The following NEXMIF variants were observed in gnomAD, a reference collection of about 807,000 sequenced individuals.
NEXMIF encodes the protein neurite extension and migration factor.
A neutral mutation model predicts 62.1 loss-of-function variants in NEXMIF; 8 were observed. The ratio of observed to expected loss-of-function variants is 0.13; its 90% confidence interval spans 0.08 to 0.23. The LOEUF (loss-of-function observed/expected upper bound fraction) is 0.23, where lower values mean the gene tolerates loss of function less well. NEXMIF is among the 10% of genes least tolerant of loss of function. NEXMIF has a pLI of 1.00. For synonymous variants in NEXMIF, 404 were observed against 416.6 expected, an observed-to-expected ratio of 0.97 and a Z score of 0.37; for missense variants, 976 against 1,113.3, an observed-to-expected ratio of 0.88 and a Z score of 1.75.
chrX:74,745,754 T>C (rs182209836), intron 1 of NEXMIF, 57 bp from the exon 2 acceptor site: 9 of 556,228 alleles, frequency 1.6e-5, no homozygotes, highest in African/African-American at 9.2e-5. Flanking sequence ...TTGTGTTTTA[T>C]AGGTTATTTC....
chrX:74,842,557 G>A (rs762435012), intron 1 of NEXMIF, among the ~76,000 whole-genome samples: 1 of 110,966 alleles, frequency 9.0e-6, no homozygotes, highest in Non-Finnish European at 1.9e-5. Context: ...TTTCAGTTGC[G>A]ATGTTAGGTT....
At chrX:74,922,844 A>G (rs2080831546) in intron 1 of NEXMIF, among the ~76,000 whole-genome samples, 1 of 112,012 alleles carries the variant, frequency 8.9e-6, no homozygotes, top group South Asian at 3.7e-4. Context: ...ACTGTCTAAA[A>G]GGAAAAAAGC....
chrX:74,883,296 G>A (rs945276435), intron 1 of NEXMIF, among the ~76,000 whole-genome samples: 24 of 111,913 alleles, frequency 2.1e-4, no homozygotes, highest in African/African-American at 7.8e-4. Context: ...GCTGGATGGA[G>A]AATGACTTTG....
At chrX:74,849,502 C>A (rs141629549) in intron 1 of NEXMIF, among the ~76,000 whole-genome samples, 6 of 111,863 alleles carry the variant, frequency 5.4e-5, no homozygotes, top group African/African-American at 2.0e-4. Context: ...AGAGGGAGAT[C>A]ACACTGAGAC....
At chrX:74,796,235 T>TATACATATATA (rs2080310170) in intron 1 of NEXMIF, among the ~76,000 whole-genome samples, 3 of 55,712 alleles carry the variant, frequency 5.4e-5, no homozygotes, top group African/African-American at 1.9e-4. Flanking sequence ...ATATAATATA[T>TATACATATATA]ATATATATAC....
chrX:74,790,453 A>C (rs2147463818), intron 1 of NEXMIF, among the ~76,000 whole-genome samples: 1 of 111,870 alleles, frequency 8.9e-6, no homozygotes, highest in South Asian at 3.6e-4. Context: ...TGACTTGGCG[A>C]TGCGGGCTCT....
At chrX:74,756,251 G>A (rs770501102) in intron 1 of NEXMIF, among the ~76,000 whole-genome samples, 3 of 112,375 alleles carry the variant, frequency 2.7e-5, no homozygotes, top group South Asian at 3.7e-4. Flanking sequence ...GTGAGCCACC[G>A]CACCTGGCCT....
At chrX:74,770,121 T>C (rs191231946) in intron 1 of NEXMIF, among the ~76,000 whole-genome samples, 8 of 112,417 alleles carry the variant, frequency 7.1e-5, no homozygotes, top group African/African-American at 2.6e-4. Flanking sequence ...TATGTTAAGC[T>C]TCTGAGGTGA....
intron 1 of NEXMIF, among the ~76,000 whole-genome samples, chrX:74,830,854 T>C (rs971335298): frequency 3.6e-5 from 4 of 112,176 alleles, no homozygotes; most frequent in African/African-American, 1.3e-4. Flanking sequence ...TTTCAGATTA[T>C]TCACTCTTGG....
At chrX:74,919,063 T>A (rs763546474) in intron 1 of NEXMIF, among the ~76,000 whole-genome samples, 1 of 112,721 alleles carries the variant, frequency 8.9e-6, no homozygotes, top group South Asian at 3.7e-4. Context: ...GCTATGCCCT[T>A]GTATCTCACA....
intron 1 of NEXMIF, among the ~76,000 whole-genome samples, chrX:74,891,148 C>T (rs1036247999): frequency 9.0e-6 from 1 of 111,096 alleles, no homozygotes; most frequent in Non-Finnish European, 1.9e-5. Context: ...CTTCCAGCCC[C>T]GCTCCTTCCT....
chrX:74,889,578 C>A (rs952128179), intron 1 of NEXMIF, among the ~76,000 whole-genome samples: 1 of 111,266 alleles, frequency 9.0e-6, no homozygotes, highest in South Asian at 3.8e-4. Flanking sequence ...CTAAGTGGTT[C>A]ATGGTTGCAT....
chrX:74,872,583 A>G (rs1602258429), intron 1 of NEXMIF, among the ~76,000 whole-genome samples: 1 of 109,568 alleles, frequency 9.1e-6, no homozygotes, highest in Non-Finnish European at 1.9e-5. Flanking sequence ...TATAGTAAAT[A>G]TTGTGACTGT....
intron 1 of NEXMIF, among the ~76,000 whole-genome samples, chrX:74,887,494 A>G (rs905753131): frequency 8.0e-5 from 9 of 112,437 alleles, no homozygotes; most frequent in African/African-American, 2.9e-4. Flanking sequence ...AAGGATATTA[A>G]CAGACACTTC....
At chrX:74,766,945 G>C (rs1442664540) in intron 1 of NEXMIF, among the ~76,000 whole-genome samples, 1 of 111,988 alleles carries the variant, frequency 8.9e-6, no homozygotes, top group Non-Finnish European at 1.9e-5. Context: ...GAGTGGCCCT[G>C]ACTAGTGAGA....
chrX:74,889,633 C>A (rs1278084350), intron 1 of NEXMIF, among the ~76,000 whole-genome samples: 1 of 109,966 alleles, frequency 9.1e-6, no homozygotes, highest in Non-Finnish European at 1.9e-5. Context: ...CTTCCCAGAG[C>A]ACTGATAAAA....
chrX:74,783,823 C>G (rs2080253296), intron 1 of NEXMIF, among the ~76,000 whole-genome samples: 1 of 111,445 alleles, frequency 9.0e-6, no homozygotes. Flanking sequence ...TAAGATATGC[C>G]CACTTTCTCA....
At chrX:74,890,596 T>A (rs6647076) in intron 1 of NEXMIF, among the ~76,000 whole-genome samples, 16,294 of 111,415 alleles carry the variant, frequency 0.15, 1,781 homozygotes, top group East Asian at 0.91. Context: ...TAAGTAGACA[T>A]TTTAATATTT....
At chrX:74,819,179 T>C (rs1057158207) in intron 1 of NEXMIF, among the ~76,000 whole-genome samples, 6 of 111,866 alleles carry the variant, frequency 5.4e-5, no homozygotes, top group African/African-American at 1.3e-4. Context: ...GTACAAAAAT[T>C]AATTCAAGAT....
Sources: allele counts gnomAD v4.1 joint callset (sites outside exome capture counted in the v4.1 genomes callset), GRCh38; gene constraint gnomAD v4.1.1; transcripts MANE v1.5; gene names NCBI Gene and HGNC (gene_info 2026-07-23, HGNC 2026-07-21).